Variants in ASTN2 observed in about 807,000 individuals in gnomAD.
The protein encoded by ASTN2 is astrotactin 2.
Under a neutral mutation model 139.8 loss-of-function variants are expected in ASTN2, and 54 were observed. The observed-to-expected ratio is 0.39, with a 90% CI of 0.31 to 0.48. The LOEUF (loss-of-function observed/expected upper bound fraction) is 0.48, where lower values mean the gene tolerates loss of function less well. Among genes scored for constraint, ASTN2 ranks in the 20% least tolerant of loss-of-function variants. The pLI is 0.95. For synonymous variants in ASTN2, 756 were observed against 719.5 expected (o/e 1.05, Z -0.81); for missense variants, 1,565 against 1,725.1 (o/e 0.91, Z 1.64).
At chr9:117,039,108 T>G (rs1282098709) in intron 6 of ASTN2, among the ~76,000 whole-genome samples, 6 of 152,230 alleles carry the variant, frequency 3.9e-5, no homozygotes, top group Non-Finnish European at 5.9e-5. Context: ...CAGTAGGTTC[T>G]CTGAAGTAGC....
intron 11 of ASTN2, among the ~76,000 whole-genome samples, chr9:116,853,168 A>C (rs1035470102): frequency 6.6e-6 from 1 of 152,156 alleles, no homozygotes; most frequent in Admixed American, 6.6e-5. Context: ...ACATTTATCT[A>C]AAGTGGGTGA....
At chr9:117,302,601 C>T (rs561490717) in intron 1 of ASTN2, among the ~76,000 whole-genome samples, 6 of 152,196 alleles carry the variant, frequency 3.9e-5, no homozygotes, top group Non-Finnish European at 2.9e-5. Flanking sequence ...ACTTGTCAAC[C>T]CCAACCCCCA....
chr9:116,701,637 C>A (rs1357360946), intron 16 of ASTN2, among the ~76,000 whole-genome samples: 3 of 152,190 alleles, frequency 2.0e-5, no homozygotes, highest in Admixed American at 2.0e-4. Flanking sequence ...GGTGCCATCA[C>A]TGAGTGACAT....
At chr9:117,049,448 A>G (rs1240375704) in intron 5 of ASTN2, among the ~76,000 whole-genome samples, 3 of 152,214 alleles carry the variant, frequency 2.0e-5, no homozygotes, top group African/African-American at 7.2e-5. Flanking sequence ...TCTGTGGAAC[A>G]AGGTACGGAA....
rs140465477 is a variant in ASTN2, at chr9:117,228,378, C to T, written c.631-13636G>A. Reference sequence around the variant, plus strand: ...TTTTCAAAACCTATTACAAGTCACACAATAGGGGTCTCTTAGAGGCATTGT... The same window carrying T: ...TTTTCAAAACCTATTACAAGTCACATAATAGGGGTCTCTTAGAGGCATTGT... On this transcript the variant is annotated intron_variant, in intron 2 of 22. Transcript: ENST00000313400. Among the ~76,000 whole-genome samples the T allele has an allele frequency of 4.4e-4, 67 of 152,256 alleles. 1 individual carries two copies. In the East Asian group the frequency reaches 0.013, roughly 30 times the overall value.
chr9:116,426,593 G>A (rs1397622759), intron 22 of ASTN2, among the ~76,000 whole-genome samples: 1 of 152,098 alleles, frequency 6.6e-6, no homozygotes, highest in South Asian at 2.1e-4. Flanking sequence ...GGCAAACATC[G>A]AGTCAGCCAC....
intron 19 of ASTN2, among the ~76,000 whole-genome samples, chr9:116,504,764 C>G (rs1043207667): frequency 6.6e-6 from 1 of 151,872 alleles, no homozygotes; most frequent in African/African-American, 2.4e-5. Flanking sequence ...GGTGTTGTAT[C>G]GTGCATCTGT....
chr9:116,459,600 A>G (rs1275286080), intron 20 of ASTN2, among the ~76,000 whole-genome samples: 1 of 152,126 alleles, frequency 6.6e-6, no homozygotes, highest in Non-Finnish European at 1.5e-5. Flanking sequence ...CAAAAGATTT[A>G]GACATTTCTC....
chr9:116,632,248 A>AGAAAGAAAGAAAGAAG (rs1212577564), intron 17 of ASTN2, among the ~76,000 whole-genome samples: 3 of 91,088 alleles, frequency 3.3e-5, no homozygotes, highest in Non-Finnish European at 6.7e-5. Flanking sequence ...AAAGAAAGAA[A>AGAAAGAAAGAAAGAAG]GAAGGAAAGA....
chr9:117,158,965 T>G (rs530603698), intron 3 of ASTN2, among the ~76,000 whole-genome samples: 1 of 152,056 alleles, frequency 6.6e-6, no homozygotes, highest in Non-Finnish European at 1.5e-5. Context: ...TCCTCTTGGA[T>G]GTACCTGGCC....
At chr9:116,605,432 TA>T (rs553699079) in intron 19 of ASTN2, among the ~76,000 whole-genome samples, 5 of 149,208 alleles carry the variant, frequency 3.4e-5, no homozygotes, top group Admixed American at 1.3e-4. Context: ...TTTTTAAAGT[TA>T]AAAAAAAAAT....
chr9:117,397,704 C>A lies in ASTN2; in HGVS notation c.442+16793G>T, dbSNP rs1175215479. Among the ~76,000 whole-genome samples the A allele has an allele frequency of 3.3e-5, 5 of 152,190 alleles. No individual in the cohort carries two copies. In the East Asian group the frequency reaches 9.6e-4, roughly 29 times the overall value. On this transcript the variant is annotated intron_variant, in intron 1 of 22. Transcript: ENST00000313400. ...GTCTATTACTTTTTATGATTCTCCA[C>A]TTTAATGGACTTTTTCTACTAACTG...
chr9:116,884,715 G>A lies in ASTN2; in HGVS notation c.1890-20982C>T, dbSNP rs543460194. 1.1e-4 allele frequency among the ~76,000 whole-genome samples: 17 copies of A among 149,986 alleles called. No homozygotes were observed. In the South Asian group the frequency reaches 2.8e-3, roughly 24 times the overall value. On this transcript the variant is annotated intron_variant, in intron 10 of 22. Transcript: ENST00000313400. ...TGGTAGTTTGCTAGCCATCTTTGGC[G>A]TTTTTGGCTTGTAGACACATCACTC...
chr9:116,791,020 AAAG>A (rs1222440260), intron 13 of ASTN2, among the ~76,000 whole-genome samples: 37 of 129,844 alleles, frequency 2.8e-4, no homozygotes, highest in African/African-American at 9.6e-4. Flanking sequence ...AGAAAGAAAG[AAAG>A]AAAGAAAGAA....
At chr9:117,210,639 T>C (rs972461554) in intron 3 of ASTN2, among the ~76,000 whole-genome samples, 4 of 152,132 alleles carry the variant, frequency 2.6e-5, no homozygotes, top group Admixed American at 1.3e-4. Context: ...AAAGAAGAAT[T>C]AATAACAATT....
At position 116,850,508 on chromosome 9, in the gene ASTN2, A is replaced by G. The variant is rs114626308; in HGVS notation, c.2040+13075T>C. The stretch of plus-strand genomic sequence containing the variant: ...ATTTTGGAGTCCTGATATCCATGCT[A>G]CCAATTCCTATCTGAGTGACAATGA... On this transcript the variant is annotated intron_variant, in intron 11 of 22. Transcript: ENST00000313400. 6.1e-3 allele frequency among the ~76,000 whole-genome samples: 927 copies of G among 152,252 alleles called. 8 individuals carry two copies. Among genetic ancestry groups the G allele is most frequent in the African/African-American group, 0.021 (869 of 41,546 alleles).
At chr9:116,568,452 C>A (rs1221921046) in intron 19 of ASTN2, 1 of 152,088 alleles carries the variant, frequency 6.6e-6, no homozygotes, top group Non-Finnish European at 1.5e-5. Flanking sequence ...ACAAAGGCAG[C>A]CATTAACCTG....
intron 1 of ASTN2, among the ~76,000 whole-genome samples, chr9:117,325,984 C>A (rs1222346901): frequency 6.6e-6 from 1 of 152,014 alleles, no homozygotes; most frequent in South Asian, 2.1e-4. Context: ...AGGGAGTTAC[C>A]CTGAGGGAGG....
intron 10 of ASTN2, among the ~76,000 whole-genome samples, chr9:116,873,102 A>G (rs1833208114): frequency 6.6e-6 from 1 of 152,248 alleles, no homozygotes; most frequent in African/African-American, 2.4e-5. Context: ...ATGCCAATAA[A>G]TGGTTTAAGC....
Sources: allele counts gnomAD v4.1 joint callset (sites outside exome capture counted in the v4.1 genomes callset), GRCh38; gene constraint gnomAD v4.1.1; transcripts MANE v1.5; gene names NCBI Gene and HGNC (gene_info 2026-07-23, HGNC 2026-07-21).